PTPRD: variants seen among roughly 807,000 people sequenced by gnomAD.
PTPRD encodes protein tyrosine phosphatase receptor type D, also known as receptor-type tyrosine-protein phosphatase delta.
Under a neutral mutation model 214.5 loss-of-function variants are expected in PTPRD, and 34 were observed. The ratio of observed to expected loss-of-function variants is 0.16; its 90% confidence interval spans 0.12 to 0.21. The LOEUF is 0.21. Among genes scored for constraint, PTPRD ranks in the 10% least tolerant of loss-of-function variants. The pLI is 1.00. For synonymous variants in PTPRD, 1,128 were observed against 845.7 expected (o/e 1.33, Z -5.79); for missense variants, 2,545 against 2,398.7 (o/e 1.06, Z -1.27).
At chr9:9,437,627 T>G (rs1414506455) in intron 8 of PTPRD, among the ~76,000 whole-genome samples, 1 of 152,206 alleles carries the variant, frequency 6.6e-6, no homozygotes, top group East Asian at 1.9e-4. Context: ...TGAACTTCTT[T>G]TAAGATGTAA....
chr9:8,717,547 G>A (rs940938424), intron 12 of PTPRD, among the ~76,000 whole-genome samples: 1 of 152,118 alleles, frequency 6.6e-6, no homozygotes, highest in Non-Finnish European at 1.5e-5. Flanking sequence ...GTGACCTATT[G>A]AAAATTCAAG....
intron 8 of PTPRD, among the ~76,000 whole-genome samples, chr9:9,408,728 G>C (rs2074388223): frequency 6.6e-6 from 1 of 151,728 alleles, no homozygotes; most frequent in East Asian, 1.9e-4. Flanking sequence ...TTTAGATTTT[G>C]GGCTGTTTTT....
intron 9 of PTPRD, among the ~76,000 whole-genome samples, chr9:9,323,050 A>AC (rs1243698823): frequency 6.6e-6 from 1 of 152,144 alleles, no homozygotes; most frequent in Non-Finnish European, 1.5e-5. Context: ...TACTGTTTAC[A>AC]ATTTTTTTTG....
chr9:8,922,213 C>G (rs1588083494), intron 11 of PTPRD, among the ~76,000 whole-genome samples: 1 of 151,938 alleles, frequency 6.6e-6, no homozygotes, highest in African/African-American at 2.4e-5. Flanking sequence ...TCTATTAAGT[C>G]CAGTGTTAAT....
At chr9:8,976,797 T>C (rs184683578) in intron 11 of PTPRD, among the ~76,000 whole-genome samples, 356 of 152,124 alleles carry the variant, frequency 2.3e-3, no homozygotes, top group Non-Finnish European at 4.0e-3. Context: ...TAAATGGAGG[T>C]GGATATTGTT....
At chr9:9,882,819 G>C (rs181529978) in intron 5 of PTPRD, among the ~76,000 whole-genome samples, 78 of 152,154 alleles carry the variant, frequency 5.1e-4, no homozygotes, top group African/African-American at 1.9e-3. Flanking sequence ...AATGTTGGAA[G>C]TGGGGGCCTA....
intron 9 of PTPRD, among the ~76,000 whole-genome samples, chr9:9,254,715 G>C (rs2099976968): frequency 2.0e-5 from 3 of 152,150 alleles, no homozygotes; most frequent in Admixed American, 1.3e-4. Flanking sequence ...TCTTGTTGAA[G>C]AAATCTCAGC....
At chr9:9,368,692 C>A (rs1255659966) in intron 9 of PTPRD, among the ~76,000 whole-genome samples, 6 of 151,732 alleles carry the variant, frequency 4.0e-5, no homozygotes, top group East Asian at 1.9e-4. Context: ...AAATATGAAC[C>A]TAGGGTAGGA....
At chr9:9,871,304 T>C (rs1348631032) in intron 5 of PTPRD, among the ~76,000 whole-genome samples, 2 of 152,176 alleles carry the variant, frequency 1.3e-5, no homozygotes, top group Non-Finnish European at 2.9e-5. Flanking sequence ...AAAGGGTAGG[T>C]AATGACAATT....
chr9:8,628,642 A>C lies in PTPRD; in HGVS notation c.352+4675T>G, dbSNP rs543062163. Among the ~76,000 whole-genome samples the C allele has an allele frequency of 2.6e-5, 4 of 151,842 alleles. No homozygotes were observed. In the South Asian group the frequency reaches 8.3e-4, roughly 31 times the overall value. ...AAAAAAAAAAAAGAAACAGAACAGA[A>C]CAGGGAAGTTAACGTATTTGCTTAA... is the stretch of plus-strand genomic sequence containing the variant. On this transcript the variant is annotated intron_variant, in intron 14 of 45. Coordinates refer to ENST00000381196, the MANE Select transcript of PTPRD (RefSeq NM_002839.4).
chr9:10,219,128 G>A lies in PTPRD; in HGVS notation c.-545+121835C>T, dbSNP rs369299893. On this transcript the variant is annotated intron_variant, in intron 3 of 45. Transcript: ENST00000381196. ...AAATAATAAATTAGAAAGGACTGAC[G>A]GGGGATCTGATAGACATCTTCATTT... is the stretch of plus-strand genomic sequence containing the variant. Among the ~76,000 whole-genome samples, 15 of 151,590 alleles carry A rather than the reference G, an allele frequency of 9.9e-5. No homozygotes were observed. In the South Asian group the frequency reaches 1.0e-3, roughly 10 times the overall value.
chr9:9,966,333 T>C (rs1320299131), intron 4 of PTPRD, among the ~76,000 whole-genome samples: 1 of 152,220 alleles, frequency 6.6e-6, no homozygotes, highest in Non-Finnish European at 1.5e-5. Context: ...TCTAGGTTCA[T>C]AGACCTCGTG....
intron 2 of PTPRD, among the ~76,000 whole-genome samples, chr9:10,528,808 C>T (rs1224574620): frequency 6.6e-6 from 1 of 152,068 alleles, no homozygotes; most frequent in East Asian, 1.9e-4. Context: ...CATACTATTT[C>T]AACAACATTA....
At chr9:10,016,520 G>T (rs1028202339) in intron 4 of PTPRD, among the ~76,000 whole-genome samples, 1 of 152,120 alleles carries the variant, frequency 6.6e-6, no homozygotes, top group African/African-American at 2.4e-5. Flanking sequence ...GAACAGAATA[G>T]TCTCAAAGCA....
chr9:9,193,357 C>T (rs780705835), intron 9 of PTPRD, among the ~76,000 whole-genome samples: 62 of 152,030 alleles, frequency 4.1e-4, no homozygotes, highest in Non-Finnish European at 8.4e-4. Context: ...TTTAAGGGGG[C>T]AAATACAACA....
chr9:8,448,438 C>T (rs2095819900), intron 34 of PTPRD, among the ~76,000 whole-genome samples: 1 of 152,146 alleles, frequency 6.6e-6, no homozygotes, highest in African/African-American at 2.4e-5. Context: ...AAATTTACTA[C>T]AGTAACTTAA....
At chr9:8,694,465 G>A (rs2097866363) in intron 12 of PTPRD, among the ~76,000 whole-genome samples, 1 of 152,162 alleles carries the variant, frequency 6.6e-6, no homozygotes, top group African/African-American at 2.4e-5. Flanking sequence ...CACTGAAATA[G>A]AAATGTTCAG....
intron 4 of PTPRD, among the ~76,000 whole-genome samples, chr9:9,957,209 C>T (rs993556788): frequency 6.6e-6 from 1 of 152,092 alleles, no homozygotes; most frequent in African/African-American, 2.4e-5. Flanking sequence ...TACTAACATC[C>T]ATGGGAACAT....
chr9:8,929,884 T>TGC (rs796775594), intron 11 of PTPRD, among the ~76,000 whole-genome samples: 20,787 of 77,008 alleles, frequency 0.27, 3,188 homozygotes, highest in Non-Finnish European at 0.31. Flanking sequence ...TGTATATATG[T>TGC]GTGTGTATAT....
Sources: allele counts gnomAD v4.1 joint callset (sites outside exome capture counted in the v4.1 genomes callset), GRCh38; gene constraint gnomAD v4.1.1; transcripts MANE v1.5; gene names NCBI Gene and HGNC (gene_info 2026-07-23, HGNC 2026-07-21).